Variants in TNFRSF13C observed in about 807,000 individuals in gnomAD.
TNFRSF13C encodes tumor necrosis factor receptor superfamily member 13C.
Under a neutral mutation model 12.1 loss-of-function variants are expected in TNFRSF13C, and 7 were observed. The ratio of observed to expected loss-of-function variants is 0.58; its 90% CI spans 0.33 to 1.08. The LOEUF is 1.08. Among genes scored for constraint, TNFRSF13C ranks in the 50% least tolerant of loss-of-function variants. TNFRSF13C has a pLI of 0.04. For missense variants in TNFRSF13C, 260 were observed against 265.9 expected, an observed-to-expected ratio of 0.98 and a Z score of 0.15; for synonymous variants, 157 against 130.8, an observed-to-expected ratio of 1.20 and a Z score of -1.37.
chr22:41,926,711 C>T lies in TNFRSF13C; in HGVS notation c.63G>A (p.Pro21=), dbSNP rs1159768177. The T allele has an allele frequency of 2.1e-6, 3 of 1,452,336 alleles. No homozygotes were observed. The highest frequency in any genetic ancestry group is 3.0e-5 in the East Asian group (1 of 33,068). The allele number at this position is 1,452,336 out of a possible 1,614,324, so 90.0% of individuals were successfully genotyped here. ...GGACCAGCAGGTCGAAGCACTCGGC[C>T]GGGACGCAGGGCGTGGGGGCTGGCG... ...RDAPAPTPCV[P]AECFDLLVRH... The change falls in exon 1 of 3, where the codon CCG becomes CCA. Residue 21 remains proline, a synonymous_variant. Transcript: ENST00000291232. This position sits in a 1 kb window ranked among gnomAD's most constrained non-coding sequence, Gnocchi z 4.9.
In TNFRSF13C at chr22:41,922,391, A is replaced by G. The variant is rs756618708; in HGVS notation, c.*2976T>C. On this transcript the variant is annotated 3_prime_UTR_variant, in exon 3 of 3. Coordinates refer to ENST00000291232, the MANE Select transcript of TNFRSF13C (RefSeq NM_052945.4). ...CAGTTTCCTCGTCTGTTAAATGCAT[A>G]TGAGAATTATCTAAGGTTCCTTCCT... The G allele has an allele frequency of 6.6e-6, 1 of 152,168 alleles. No individual in the cohort carries two copies. The highest frequency in any genetic ancestry group is 2.4e-5 in the African/African-American group (1 of 41,432). The allele number at this position is 152,168 out of a possible 1,614,324, so 9.4% of individuals were successfully genotyped here.
At position 41,926,477 on chromosome 22, in the gene TNFRSF13C, G is replaced by A; in HGVS notation, c.137-146C>T. ...GACAAGGGGAGGGAGAGAGGCGGCG[G>A]TGAGGGCCACGCGGTGATCGCGGGC... On this transcript the variant is annotated intron_variant, in intron 1 of 2. Coordinates refer to ENST00000291232, the MANE Select transcript of TNFRSF13C (RefSeq NM_052945.4). The surrounding 1 kb of genome is among the most constrained non-coding windows in gnomAD (Gnocchi z 4.9). 2 of 1,131,706 alleles carry A rather than the reference G, an allele frequency of 1.8e-6. No homozygotes were observed. Among genetic ancestry groups the A allele is most frequent in the South Asian group, 4.5e-5 (2 of 44,684 alleles). 70.1% of individuals were successfully genotyped at this position (1,131,706 alleles called of 1,614,324 possible).
rs1417639566 is a variant in TNFRSF13C at position 41,926,147 on chromosome 22, C to T, written c.321G>A (p.Arg107=). Residue 107 remains arginine (R), a synonymous_variant, in exon 2 of 3, where the codon CGG becomes CGA. Transcript: ENST00000291232. This position sits in a 1 kb window ranked among gnomAD's most constrained non-coding sequence, Gnocchi z 4.9. ...GLVSWRRRQR[R]LRGASSAEAP... is the part of the protein sequence containing the mutation. Reference sequence around the variant, plus strand: ...CCTCTGCGGAGGACGCGCCGCGAAGCCGCCGCTGTCGCCGCCTCCAGCTCA... The same window carrying T: ...CCTCTGCGGAGGACGCGCCGCGAAGTCGCCGCTGTCGCCGCCTCCAGCTCA... 1 of 1,611,924 alleles carries T rather than the reference C, an allele frequency of 6.2e-7. No homozygotes were observed. Among genetic ancestry groups the T allele is most frequent in the Non-Finnish European group, 8.5e-7 (1 of 1,179,714 alleles).
In TNFRSF13C at chr22:41,923,789, C is replaced by T. The variant is rs2077616163; in HGVS notation, c.*1578G>A. 1 of 152,228 alleles carries T rather than the reference C, an allele frequency of 6.6e-6. No homozygotes were observed. Among genetic ancestry groups the T allele is most frequent in the Admixed American group, 6.5e-5 (1 of 15,280 alleles). 9.4% of individuals were successfully genotyped at this position (152,228 alleles called of 1,614,324 possible). ...TGTTCCTTCAGCTCGAGTTTGGAGT[C>T]CAGCCCTGGAGGCTGCGCACCTCCT... is the stretch of plus-strand genomic sequence containing the variant. On this transcript the variant is annotated 3_prime_UTR_variant, in exon 3 of 3. Transcript: ENST00000291232.
rs1362621438 is a variant in TNFRSF13C, at chr22:41,926,013, T to G, written c.367+88A>C. ...TCCCCTTAAAGCCCTTCTCTCCCCC[T>G]CAGGGGCCATGCATCTCCCCCTAGA... On this transcript the variant is annotated intron_variant, in intron 2 of 2. Transcript: ENST00000291232. This position sits in a 1 kb window ranked among gnomAD's most constrained non-coding sequence, Gnocchi z 4.9. 19 of 1,538,640 alleles carry G rather than the reference T, an allele frequency of 1.2e-5. No homozygotes were observed. The highest frequency in any genetic ancestry group is 1.7e-5 in the Non-Finnish European group (19 of 1,123,174).
chr22:41,926,730 G>T lies in TNFRSF13C; in HGVS notation c.44C>A (p.Ala15Asp). The T allele has an allele frequency of 7.0e-7, 1 of 1,421,754 alleles. No individual in the cohort carries two copies. The highest frequency in any genetic ancestry group is 1.4e-5 in the South Asian group (1 of 69,216). 88.1% of individuals were successfully genotyped at this position (1,421,754 alleles called of 1,614,324 possible). A position where few individuals can be genotyped will look rare whatever the true frequency, so the allele number is the denominator to read the frequency against. The change falls in exon 1 of 3, where the codon GCC becomes GAC. Residue 15 changes from alanine (A) to aspartate (D), a missense_variant. Physicochemically the swap from Ala to Asp is moderately radical, Grantham distance 126. Coordinates refer to ENST00000291232, the MANE Select transcript of TNFRSF13C (RefSeq NM_052945.4). The surrounding 1 kb of genome is among the most constrained non-coding windows in gnomAD (Gnocchi z 4.9). Reference sequence around the variant, plus strand: ...CTCGGCCGGGACGCAGGGCGTGGGGGCTGGCGCGTCCCTGCCCCGCAGGCT... The same window carrying T: ...CTCGGCCGGGACGCAGGGCGTGGGGTCTGGCGCGTCCCTGCCCCGCAGGCT... ...PRSLRGRDAP[A>D]PTPCVPAECF... is the part of the protein sequence containing the mutation.
Position 41,926,268 on chromosome 22 carries a change from GC to G in TNFRSF13C, c.199del (p.Ala67ProfsTer33), listed in dbSNP as rs1469524347. On this transcript the variant is annotated frameshift_variant, in exon 2 of 3. Coordinates refer to ENST00000291232, the MANE Select transcript of TNFRSF13C (RefSeq NM_052945.4). LOFTEE classifies it high-confidence loss of function. The surrounding 1 kb of genome is among the most constrained non-coding windows in gnomAD (Gnocchi z 4.9). ...GGGCAGGGGCAGCGCCGCCTCGCCG[GC>G]CCCCGCGCCCACCGACTCCTGCGGC... is the stretch of plus-strand genomic sequence containing the variant. ...LQPQESVGAG[A>X]GEAALPLPGL... The G allele has an allele frequency of 3.4e-6, 5 of 1,490,818 alleles. No homozygotes were observed. The Admixed American group carries it at 6.8e-5, about 20-fold the overall frequency. 92.3% of individuals were successfully genotyped at this position (1,490,818 alleles called of 1,614,324 possible).
rs1224942728 is a variant in TNFRSF13C at position 41,922,551 on chromosome 22, G to A, written c.*2816C>T. 1 of 152,038 alleles carries A rather than the reference G, an allele frequency of 6.6e-6. No homozygotes were observed. Among genetic ancestry groups the A allele is most frequent in the African/African-American group, 2.4e-5 (1 of 41,370 alleles). The allele number at this position is 152,038 out of a possible 1,614,324, so 9.4% of individuals were successfully genotyped here. A position where few individuals can be genotyped will look rare whatever the true frequency, so the allele number is the denominator to read the frequency against. Reference sequence around the variant, plus strand: ...CAGCTGGGACAGAGAGATGCCCAAGGTTTGCATGTCTGAGCCCCAGAGGGG... The same window carrying A: ...CAGCTGGGACAGAGAGATGCCCAAGATTTGCATGTCTGAGCCCCAGAGGGG... On this transcript the variant is annotated 3_prime_UTR_variant, in exon 3 of 3. Coordinates refer to ENST00000291232, the MANE Select transcript of TNFRSF13C (RefSeq NM_052945.4).
Position 41,926,570 on chromosome 22 carries a change from G to A in TNFRSF13C, c.136+68C>T, listed in dbSNP as rs1478828563. The A allele has an allele frequency of 4.0e-5, 54 of 1,351,326 alleles. No individual in the cohort carries two copies. Among genetic ancestry groups the A allele is most frequent in the Non-Finnish European group, 4.9e-5 (52 of 1,057,052 alleles). The allele number at this position is 1,351,326 out of a possible 1,614,324, so 83.7% of individuals were successfully genotyped here. Reference sequence around the variant, plus strand: ...CCCCGGGGGTCGGGGCTCTGCCTGCGCCCTGGCGATCGGGGCCCCGTTCTC... The same window carrying A: ...CCCCGGGGGTCGGGGCTCTGCCTGCACCCTGGCGATCGGGGCCCCGTTCTC... On this transcript the variant is annotated intron_variant, in intron 1 of 2. Coordinates refer to ENST00000291232, the MANE Select transcript of TNFRSF13C (RefSeq NM_052945.4). The surrounding 1 kb of genome is among the most constrained non-coding windows in gnomAD (Gnocchi z 4.9).
rs750334567 is a variant in TNFRSF13C, at chr22:41,924,949, C to CAAAAAAAAAAAAAAAAAAAAA, written c.*397_*417dup. On this transcript the variant is annotated 3_prime_UTR_variant, in exon 3 of 3. Coordinates refer to ENST00000291232, the MANE Select transcript of TNFRSF13C (RefSeq NM_052945.4). ...CCTGGCGACAGAGCAAGACTCGTCT[C>CAAAAAAAAAAAAAAAAAAAAA]AAAAAAAAAAAAAAAAAAAAAAAAA... 2 of 45,320 alleles carry CAAAAAAAAAAAAAAAAAAAAA rather than the reference C, an allele frequency of 4.4e-5. No individual in the cohort carries two copies. The highest frequency in any genetic ancestry group is 2.9e-4 in the Admixed American group (1 of 3,482). The allele number at this position is 45,320 out of a possible 1,614,324, so 2.8% of individuals were successfully genotyped here.
In TNFRSF13C at chr22:41,925,319, G is replaced by A. The variant is rs1423098800; in HGVS notation, c.*48C>T. The A allele has an allele frequency of 1.9e-6, 3 of 1,552,374 alleles. No individual in the cohort carries two copies. Among genetic ancestry groups the A allele is most frequent in the African/African-American group, 2.7e-5 (2 of 73,170 alleles). On this transcript the variant is annotated 3_prime_UTR_variant, in exon 3 of 3. Coordinates refer to ENST00000291232, the MANE Select transcript of TNFRSF13C (RefSeq NM_052945.4). ...GCTGAATTTGATTTCCAAGCCCCTG[G>A]CTGGGGGTCCAGAGGGAGGGCAGGG...
Position 41,925,317 on chromosome 22 carries a change from T to G in TNFRSF13C, c.*50A>C. On this transcript the variant is annotated 3_prime_UTR_variant, in exon 3 of 3. Coordinates refer to ENST00000291232, the MANE Select transcript of TNFRSF13C (RefSeq NM_052945.4). ...GAGCTGAATTTGATTTCCAAGCCCC[T>G]GGCTGGGGGTCCAGAGGGAGGGCAG... The G allele has an allele frequency of 6.5e-7, 1 of 1,547,974 alleles. No homozygotes were observed. Among genetic ancestry groups the G allele is most frequent in the Non-Finnish European group, 8.7e-7 (1 of 1,152,270 alleles).
chr22:41,925,307 T>C lies in TNFRSF13C; in HGVS notation c.*60A>G. The C allele has an allele frequency of 6.6e-7, 1 of 1,516,648 alleles. No homozygotes were observed. The allele number at this position is 1,516,648 out of a possible 1,614,324, so 93.9% of individuals were successfully genotyped here. ...CTGGAGTGAAGAGCTGAATTTGATT[T>C]CCAAGCCCCTGGCTGGGGGTCCAGA... On this transcript the variant is annotated 3_prime_UTR_variant, in exon 3 of 3. Coordinates refer to ENST00000291232, the MANE Select transcript of TNFRSF13C (RefSeq NM_052945.4).
rs1258311101 is a variant in TNFRSF13C, at chr22:41,924,252, TG to T, written c.*1114del. ...CTGTAATCCTAGCACTTTGGGAGGC[TG>T]AGGCGGGCGGATCACGAGGTCAGGA... On this transcript the variant is annotated 3_prime_UTR_variant, in exon 3 of 3. Transcript: ENST00000291232. 2.7e-5 allele frequency: 4 copies of T among 150,216 alleles called. No individual in the cohort carries two copies. The highest frequency in any genetic ancestry group is 7.4e-5 in the African/African-American group (3 of 40,792). 9.3% of individuals were successfully genotyped at this position (150,216 alleles called of 1,614,324 possible).
In TNFRSF13C at chr22:41,922,889, C is replaced by G. The variant is rs543313830; in HGVS notation, c.*2478G>C. On this transcript the variant is annotated 3_prime_UTR_variant, in exon 3 of 3. Coordinates refer to ENST00000291232, the MANE Select transcript of TNFRSF13C (RefSeq NM_052945.4). ...AGGAGCAGCTCAGACTCCCCCAACT[C>G]CAGATGGAAGGGGAGTGGATGGCTG... 1 of 152,626 alleles carries G rather than the reference C, an allele frequency of 6.6e-6. No individual in the cohort carries two copies. Among genetic ancestry groups the G allele is most frequent in the African/African-American group, 2.4e-5 (1 of 41,568 alleles). The allele number at this position is 152,626 out of a possible 1,614,324, so 9.5% of individuals were successfully genotyped here.
rs1474469071 is a variant in TNFRSF13C at position 41,926,321 on chromosome 22, G to A, written c.147C>T (p.Ser49=). 2.1e-6 allele frequency: 3 copies of A among 1,419,940 alleles called. No homozygotes were observed. The allele number at this position is 1,419,940 out of a possible 1,614,324, so 88.0% of individuals were successfully genotyped here. A position where few individuals can be genotyped will look rare whatever the true frequency, so the allele number is the denominator to read the frequency against. The change falls in exon 2 of 3, where the codon AGC becomes AGT. Residue 49 remains serine, a synonymous_variant. Coordinates refer to ENST00000291232, the MANE Select transcript of TNFRSF13C (RefSeq NM_052945.4). The surrounding 1 kb of genome is among the most constrained non-coding windows in gnomAD (Gnocchi z 4.9). Reference sequence around the variant, plus strand: ...GCAGCGCCGTCCTGGGCGCAGGGCTGCTGGCCCCGGCTGCTTCGGGAGGGG... The same window carrying A: ...GCAGCGCCGTCCTGGGCGCAGGGCTACTGGCCCCGGCTGCTTCGGGAGGGG... ...RTPRPKPAGA[S]SPAPRTALQP... is the part of the protein sequence containing the mutation.
At chr22:41,925,741 A>G (rs1423245998) in intron 2 of TNFRSF13C, among the ~76,000 whole-genome samples, 187 bp from the exon 3 acceptor site, 1 of 151,944 alleles carries the variant, frequency 6.6e-6, no homozygotes, top group African/African-American at 2.4e-5. Context: ...GGAGTTGGGG[A>G]GCTGGGGCTC....
chr22:41,925,286 A>T lies in TNFRSF13C; in HGVS notation c.*81T>A. 2.1e-6 allele frequency: 3 copies of T among 1,410,164 alleles called. No individual in the cohort carries two copies. The highest frequency in any genetic ancestry group is 2.9e-6 in the Non-Finnish European group (3 of 1,050,748). The allele number at this position is 1,410,164 out of a possible 1,614,324, so 87.4% of individuals were successfully genotyped here. The stretch of plus-strand genomic sequence containing the variant: ...CAGAAAGAGGGCATGTGCATGCTGG[A>T]GTGAAGAGCTGAATTTGATTTCCAA... On this transcript the variant is annotated 3_prime_UTR_variant, in exon 3 of 3. Coordinates refer to ENST00000291232, the MANE Select transcript of TNFRSF13C (RefSeq NM_052945.4).
In TNFRSF13C at chr22:41,926,342, A is replaced by G. The variant is rs1602374054; in HGVS notation, c.137-11T>C. 1 of 1,158,716 alleles carries G rather than the reference A, an allele frequency of 8.6e-7. No individual in the cohort carries two copies. The highest frequency in any genetic ancestry group is 1.1e-6 in the Non-Finnish European group (1 of 936,786). The allele number at this position is 1,158,716 out of a possible 1,614,324, so 71.8% of individuals were successfully genotyped here. ...GGCTGCTGGCCCCGGCTGCTTCGGG[A>G]GGGGACAGGGAGGGAGGCCAGGGGG... On this transcript the variant is annotated splice_polypyrimidine_tract_variant and intron_variant, in intron 1 of 2. Coordinates refer to ENST00000291232, the MANE Select transcript of TNFRSF13C (RefSeq NM_052945.4). The surrounding 1 kb of genome is among the most constrained non-coding windows in gnomAD (Gnocchi z 4.9).
Sources: allele counts gnomAD v4.1 joint callset (sites outside exome capture counted in the v4.1 genomes callset), GRCh38; gene constraint gnomAD v4.1.1; non-coding constraint Gnocchi (gnomAD v3.1); transcripts MANE v1.5; gene names NCBI Gene and HGNC (gene_info 2026-07-23, HGNC 2026-07-21).